The following AKAP13 variants were observed in gnomAD, a reference collection of about 807,000 sequenced individuals.
AKAP13 encodes A-kinase anchoring protein 13, also known as A-kinase anchor protein 13.
In AKAP13, 80 loss-of-function variants were observed where a neutral mutation model predicts 264.5. The ratio of observed to expected loss-of-function variants is 0.30; its 90% confidence interval spans 0.25 to 0.36. AKAP13 has a LOEUF of 0.36. Among genes scored for constraint, AKAP13 ranks in the 10% least tolerant of loss-of-function variants. The probability of loss-of-function intolerance (pLI) is 1.00; values close to 1 mark genes in which losing one functional copy is unlikely to be tolerated. For missense variants in AKAP13, 3,712 were observed against 3,435.2 expected (o/e 1.08, Z -2.01); for synonymous variants, 1,380 against 1,250.2 (o/e 1.10, Z -2.19).
chr15:85,581,449 T>C lies in AKAP13; in HGVS notation c.3381T>C (p.Asn1127=). The C allele has an allele frequency of 6.2e-7, 1 of 1,614,150 alleles. No homozygotes were observed. The highest frequency in any genetic ancestry group is 8.5e-7 in the Non-Finnish European group (1 of 1,180,010). ...IPNVLLSQEK[N]AVLGLPVALQ... is the part of the protein sequence containing the mutation. ...ACGTCTTGTTGAGCCAAGAGAAGAA[T>C]GCCGTTCTAGGTTTGCCAGTGGCTC... The change falls in exon 7 of 37, where the codon AAT becomes AAC. Residue 1127 remains asparagine (N), a synonymous_variant. Transcript: ENST00000394518.
At chr15:85,654,994 C>A (rs1386455657) in intron 10 of AKAP13, among the ~76,000 whole-genome samples, 2 of 152,098 alleles carry the variant, frequency 1.3e-5, no homozygotes, top group Non-Finnish European at 2.9e-5. Flanking sequence ...GCGTTACAGA[C>A]CAGCCTGGCC....
chr15:85,521,467 A>G lies in AKAP13; in HGVS notation c.73A>G (p.Lys25Glu). 1 of 1,614,170 alleles carries G rather than the reference A, an allele frequency of 6.2e-7. No homozygotes were observed. The highest frequency in any genetic ancestry group is 1.1e-5 in the South Asian group (1 of 91,084). Residue 25 changes from lysine to glutamate, a missense_variant, in exon 3 of 37, where the codon AAA becomes GAA. This residue lies in a region of AKAP13 where 2,759 missense variants were observed against 2,411.7 expected (regional missense o/e 1.14). Transcript: ENST00000394518. ...TACAGTGCTGCTTGCTGAAGAGGACAAAGCTGAAGATGATGTAGTGTTTTA... is the reference window on the plus strand; with the variant it reads ...TACAGTGCTGCTTGCTGAAGAGGACGAAGCTGAAGATGATGTAGTGTTTTA... ...VVTVLLAEED[K>E]AEDDVVFYLV...
chr15:85,539,025 G>A (rs1186561083), intron 4 of AKAP13, among the ~76,000 whole-genome samples: 1 of 150,088 alleles, frequency 6.7e-6, no homozygotes, highest in Non-Finnish European at 1.5e-5. Context: ...TAGAGACGGG[G>A]TTTCACCATG....
chr15:85,404,849 A>G (rs2071591793), intron 1 of AKAP13, among the ~76,000 whole-genome samples: 1 of 152,186 alleles, frequency 6.6e-6, no homozygotes, highest in African/African-American at 2.4e-5. Context: ...CCTTTGTTTG[A>G]CAAATTGTTA....
rs745509335 is a variant in AKAP13 at position 85,581,857 on chromosome 15, C to A, written c.3789C>A (p.Val1263=). The A allele has an allele frequency of 6.2e-7, 1 of 1,614,212 alleles. No individual in the cohort carries two copies. Among genetic ancestry groups the A allele is most frequent in the South Asian group, 1.1e-5 (1 of 91,088 alleles). Residue 1263 remains valine (V), a synonymous_variant, in exon 7 of 37, where the codon GTC becomes GTA. Transcript: ENST00000394518. ...TAGTGGATGCTGTCATCGAACAAGT[C>A]AAGGCCGCTGGAGCACTGCTTACTG... is the stretch of plus-strand genomic sequence containing the variant. ...SRIVDAVIEQ[V]KAAGALLTEG...
intron 1 of AKAP13, among the ~76,000 whole-genome samples, chr15:85,469,692 A>G (rs763401889): frequency 6.6e-6 from 1 of 152,246 alleles, no homozygotes; most frequent in South Asian, 2.1e-4. Context: ...TTTGGCCAGA[A>G]CACATTAGAC....
intron 2 of AKAP13, among the ~76,000 whole-genome samples, chr15:85,498,685 C>T (rs991202628): frequency 6.6e-6 from 1 of 152,082 alleles, no homozygotes; most frequent in Non-Finnish European, 1.5e-5. Flanking sequence ...AGACATACAT[C>T]CTATAAAACT....
intron 8 of AKAP13, among the ~76,000 whole-genome samples, chr15:85,620,539 C>T (rs2081136438): frequency 6.6e-6 from 1 of 152,112 alleles, no homozygotes; most frequent in African/African-American, 2.4e-5. Flanking sequence ...CCCCATCTGC[C>T]TGGTCTCTTT....
chr15:85,454,595 A>G (rs1220081197), intron 1 of AKAP13, among the ~76,000 whole-genome samples: 35 of 151,870 alleles, frequency 2.3e-4, no homozygotes, highest in Admixed American at 2.3e-3. Flanking sequence ...AGTCACACAC[A>G]CTAGCTGCCT....
At chr15:85,562,965 C>T (rs768787081) in intron 5 of AKAP13, among the ~76,000 whole-genome samples, 10 of 151,238 alleles carry the variant, frequency 6.6e-5, no homozygotes, top group Non-Finnish European at 1.3e-4. Flanking sequence ...CCACCTGCTT[C>T]GGTCTCCCAA....
intron 5 of AKAP13, among the ~76,000 whole-genome samples, chr15:85,556,539 C>A (rs373419903): frequency 7.2e-5 from 11 of 152,182 alleles, no homozygotes; most frequent in South Asian, 6.2e-4. Context: ...CCTTCCTCCC[C>A]CTAGTGTTTT....
At chr15:85,557,612 G>A (rs1444251246) in intron 5 of AKAP13, among the ~76,000 whole-genome samples, 4 of 151,980 alleles carry the variant, frequency 2.6e-5, no homozygotes, top group East Asian at 3.9e-4. Context: ...CTACAGGCAC[G>A]CACCACCACT....
intron 1 of AKAP13, among the ~76,000 whole-genome samples, chr15:85,471,538 G>T (rs926619087): frequency 1.1e-4 from 16 of 152,092 alleles, no homozygotes; most frequent in African/African-American, 3.6e-4. Flanking sequence ...TTTATTTAGG[G>T]TATAATTTAA....
In AKAP13 at chr15:85,478,583, G is replaced by T. The variant is rs538787380; in HGVS notation, c.-11-7127G>T. 2.1e-4 allele frequency among the ~76,000 whole-genome samples: 32 copies of T among 152,254 alleles called. 1 individual carries two copies. The South Asian group carries it at 6.4e-3, about 31-fold the overall frequency. ...GAATAAATTAAATGAGTGAACGTGG[G>T]TGTTACTGTTTTGTCGTTGCTGTTG... On this transcript the variant is annotated intron_variant, in intron 1 of 36. Transcript: ENST00000394518.
intron 1 of AKAP13, among the ~76,000 whole-genome samples, chr15:85,425,030 T>C (rs940978314): frequency 1.3e-5 from 2 of 152,148 alleles, no homozygotes; most frequent in African/African-American, 4.8e-5. Flanking sequence ...AAAAGATCAA[T>C]GATCACAGAT....
At chr15:85,618,346 C>G (rs559227350) in intron 8 of AKAP13, among the ~76,000 whole-genome samples, 2 of 152,304 alleles carry the variant, frequency 1.3e-5, no homozygotes, top group Admixed American at 1.3e-4. Flanking sequence ...TTAAATCTCT[C>G]CTCTCCCCTT....
At chr15:85,577,043 T>G (rs572427970) in intron 6 of AKAP13, among the ~76,000 whole-genome samples, 5 of 152,226 alleles carry the variant, frequency 3.3e-5, no homozygotes, top group African/African-American at 4.8e-5. Context: ...TGTCGTACTC[T>G]CAGCAGGACT....
intron 8 of AKAP13, among the ~76,000 whole-genome samples, chr15:85,592,952 G>A (rs2079645693): frequency 6.6e-6 from 1 of 152,058 alleles, no homozygotes; most frequent in African/African-American, 2.4e-5. Flanking sequence ...TCTGATCTGT[G>A]TTTTCTCCTT....
chr15:85,636,181 A>G (rs2082063643), intron 8 of AKAP13, among the ~76,000 whole-genome samples: 2 of 152,154 alleles, frequency 1.3e-5, no homozygotes, highest in Admixed American at 1.3e-4. Context: ...GCTTTTGTAA[A>G]TGGTATTGCT....
Sources: allele counts gnomAD v4.1 joint callset (sites outside exome capture counted in the v4.1 genomes callset), GRCh38; gene constraint gnomAD v4.1.1; regional missense constraint gnomAD v4.1.1; transcripts MANE v1.5; gene names NCBI Gene and HGNC (gene_info 2026-07-23, HGNC 2026-07-21).